ZNF736: variants seen among roughly 807,000 people sequenced by gnomAD.
ZNF736 encodes KRAB-containing zinc-finger repressor protein.
A neutral mutation model predicts 11.7 loss-of-function variants in ZNF736; 6 were observed. That is an observed-to-expected ratio of 0.51 (90% CI 0.28 to 1.01). The LOEUF (loss-of-function observed/expected upper bound fraction) is 1.01. Among genes scored for constraint, ZNF736 ranks in the 50% least tolerant of loss-of-function variants. The pLI is 0.09. For missense variants in ZNF736, 444 were observed against 496.0 expected, an observed-to-expected ratio of 0.90 and a Z score of 1.00; for synonymous variants, 139 against 164.7, an observed-to-expected ratio of 0.84 and a Z score of 1.19.
rs879791518 is a variant in ZNF736, at chr7:64,354,778, GT to G, written c.*5636del. 2.0e-5 allele frequency: 3 copies of G among 152,134 alleles called. No individual in the cohort carries two copies. The highest frequency in any genetic ancestry group is 7.2e-5 in the African/African-American group (3 of 41,430). 9.4% of individuals were successfully genotyped at this position (152,134 alleles called of 1,614,324 possible). The stretch of plus-strand genomic sequence containing the variant: ...CAATTAGAGAATGCTATTGAATCCA[GT>G]TTTTGTTTAGTTACTGTTCATTTTA... On this transcript the variant is annotated 3_prime_UTR_variant, in exon 4 of 4. Transcript: ENST00000423484.
intron 3 of ZNF736, among the ~76,000 whole-genome samples, chr7:64,341,827 C>T (rs1789342643): frequency 6.6e-6 from 1 of 152,078 alleles, no homozygotes; most frequent in African/African-American, 2.4e-5. Flanking sequence ...GAAAGTATTA[C>T]TGGAATGTGA....
intron 1 of ZNF736, among the ~76,000 whole-genome samples, chr7:64,329,025 T>C (rs1306586022): frequency 1.3e-5 from 2 of 152,038 alleles, no homozygotes; most frequent in Non-Finnish European, 2.9e-5. Flanking sequence ...CTAATTCTTA[T>C]GCTTGATCAG....
chr7:64,343,993 T>G lies in ZNF736; in HGVS notation c.227-4097T>G, dbSNP rs377245528. The stretch of plus-strand genomic sequence containing the variant: ...TTTTTTTGTTAGTAGTCAATGATTG[T>G]TTTATTCTTAAGTGTAAGAAATACA... On this transcript the variant is annotated intron_variant, in intron 3 of 3. Coordinates refer to ENST00000423484, the MANE Select transcript of ZNF736 (RefSeq NM_001170905.3). Among the ~76,000 whole-genome samples the G allele has an allele frequency of 4.6e-5, 7 of 152,112 alleles. No individual in the cohort carries two copies. In the East Asian group the frequency reaches 1.3e-3, roughly 29 times the overall value.
chr7:64,331,453 A>G (rs1231278689), intron 1 of ZNF736, among the ~76,000 whole-genome samples: 1 of 152,278 alleles, frequency 6.6e-6, no homozygotes, highest in East Asian at 1.9e-4. Flanking sequence ...GCTGTTGGCA[A>G]TTAACAGCTT....
intron 1 of ZNF736, among the ~76,000 whole-genome samples, chr7:64,322,040 A>G (rs1451932154): frequency 3.5e-5 from 5 of 141,640 alleles, no homozygotes; most frequent in African/African-American, 1.3e-4. Context: ...CTACAGTCTG[A>G]ATTTAGCAAT....
rs138631955 is a variant in ZNF736, at chr7:64,328,919, T to G, written c.4-7340T>G. ...CAGAACTTTTTCTCTACCTCCTCTT[T>G]AAGGCCATATTTCTTAGAGTTGCCC... On this transcript the variant is annotated intron_variant, in intron 1 of 3. Transcript: ENST00000423484. Among the ~76,000 whole-genome samples the G allele has an allele frequency of 2.3e-3, 351 of 151,406 alleles. 3 individuals carry two copies. Among genetic ancestry groups the G allele is most frequent in the Admixed American group, 0.022 (331 of 15,190 alleles).
chr7:64,344,979 T>G (rs1375518586), intron 3 of ZNF736, among the ~76,000 whole-genome samples: 1 of 150,516 alleles, frequency 6.6e-6, no homozygotes, highest in African/African-American at 2.4e-5. Flanking sequence ...TTTGTGGGTT[T>G]TTTTTTTCTT....
chr7:64,344,045 G>A (rs1789375499), intron 3 of ZNF736, among the ~76,000 whole-genome samples: 1 of 151,912 alleles, frequency 6.6e-6, no homozygotes, highest in Non-Finnish European at 1.5e-5. Flanking sequence ...GCTCACACCT[G>A]TAATCCCTGC....
At position 64,356,234 on chromosome 7, in the gene ZNF736, G is replaced by A. The variant is rs996200032; in HGVS notation, c.*7087G>A. 2.0e-5 allele frequency: 3 copies of A among 152,184 alleles called. No individual in the cohort carries two copies. Among genetic ancestry groups the A allele is most frequent in the Non-Finnish European group, 4.4e-5 (3 of 68,032 alleles). 9.4% of individuals were successfully genotyped at this position (152,184 alleles called of 1,614,324 possible). A position where few individuals can be genotyped will look rare whatever the true frequency, so the allele number is the denominator to read the frequency against. ...AGTAAATGAATCTATTTCAGTTTTT[G>A]TGGGTAATTTAGCCAGTAAATTTAA... On this transcript the variant is annotated 3_prime_UTR_variant, in exon 4 of 4. Transcript: ENST00000423484.
In ZNF736 at chr7:64,323,401, T is replaced by C. The variant is rs561625355; in HGVS notation, c.3+9248T>C. Among the ~76,000 whole-genome samples the C allele has an allele frequency of 4.6e-5, 7 of 150,646 alleles. No individual in the cohort carries two copies. In the Admixed American group the frequency reaches 4.7e-4, roughly 10 times the overall value. ...AAAGTATGTTTTAAAAATTTATTTT[T>C]TTCAATTAAACTTAAGCAGTATATT... is the stretch of plus-strand genomic sequence containing the variant. On this transcript the variant is annotated intron_variant, in intron 1 of 3. Coordinates refer to ENST00000423484, the MANE Select transcript of ZNF736 (RefSeq NM_001170905.3).
intron 1 of ZNF736, among the ~76,000 whole-genome samples, chr7:64,316,647 CCT>C (rs1463107850): frequency 2.0e-5 from 3 of 152,064 alleles, no homozygotes; most frequent in Admixed American, 1.3e-4. Context: ...ACTACTTCTC[CCT>C]GTGTTTGTCA....
At chr7:64,333,675 C>T (rs1385198525) in intron 1 of ZNF736, among the ~76,000 whole-genome samples, 3 of 151,590 alleles carry the variant, frequency 2.0e-5, no homozygotes, top group Non-Finnish European at 2.9e-5. Flanking sequence ...AAAATCCGTG[C>T]TCATGGATAG....
intron 1 of ZNF736, among the ~76,000 whole-genome samples, chr7:64,335,581 G>A (rs1448133261): frequency 6.6e-6 from 1 of 152,098 alleles, no homozygotes; most frequent in East Asian, 1.9e-4. Flanking sequence ...TCTATTAATA[G>A]ATACCTTGGG....
At chr7:64,321,427 G>C (rs953496639) in intron 1 of ZNF736, among the ~76,000 whole-genome samples, 1 of 152,284 alleles carries the variant, frequency 6.6e-6, no homozygotes, top group Admixed American at 6.5e-5. Flanking sequence ...TTTAAAGCAT[G>C]TTACCTAATT....
chr7:64,319,800 A>G (rs1788979111), intron 1 of ZNF736, among the ~76,000 whole-genome samples: 1 of 130,556 alleles, frequency 7.7e-6, no homozygotes, highest in Non-Finnish European at 1.6e-5. Flanking sequence ...AGACAAAAAC[A>G]TTTCTTTACT....
chr7:64,338,629 A>G (rs1789293371), intron 3 of ZNF736, among the ~76,000 whole-genome samples: 1 of 152,156 alleles, frequency 6.6e-6, no homozygotes, highest in Non-Finnish European at 1.5e-5. Flanking sequence ...CACTCGGCAT[A>G]ACATCATCTA....
At chr7:64,318,697 T>A (rs1240057610) in intron 1 of ZNF736, among the ~76,000 whole-genome samples, 1 of 152,234 alleles carries the variant, frequency 6.6e-6, no homozygotes, top group Non-Finnish European at 1.5e-5. Context: ...CTTATTTTTT[T>A]AATTCATGAC....
At chr7:64,340,888 C>G (rs1789327457) in intron 3 of ZNF736, among the ~76,000 whole-genome samples, 1 of 152,062 alleles carries the variant, frequency 6.6e-6, no homozygotes, top group Non-Finnish European at 1.5e-5. Flanking sequence ...TTAGGAAGTT[C>G]TTAGTGAGTC....
At chr7:64,347,203 T>TA (rs1483724567) in intron 3 of ZNF736, among the ~76,000 whole-genome samples, 7 of 147,862 alleles carry the variant, frequency 4.7e-5, no homozygotes, top group African/African-American at 1.8e-4. Flanking sequence ...GTTTTTTAGT[T>TA]AAAAAATGTT....
Sources: gnomAD v4.1 joint callset for allele counts (sites outside exome capture counted in the v4.1 genomes callset) on GRCh38, gnomAD v4.1.1 for gene constraint, MANE v1.5 for transcripts, NCBI Gene and HGNC (gene_info 2026-07-23, HGNC 2026-07-21) for gene names.